SLC16A10: variants seen among roughly 807,000 people sequenced by gnomAD.
The protein encoded by SLC16A10 is monocarboxylate transporter 10.
Under a neutral mutation model 40.0 loss-of-function variants are expected in SLC16A10, and 27 were observed. That is an observed-to-expected ratio of 0.67 (90% CI 0.50 to 0.93). The LOEUF is 0.93. Among genes scored for constraint, SLC16A10 ranks in the 40% least tolerant of loss-of-function variants. SLC16A10 has a pLI of 0.00. For synonymous variants in SLC16A10, 213 were observed against 249.8 expected, an observed-to-expected ratio of 0.85 and a Z score of 1.39; for missense variants, 529 against 658.2, an observed-to-expected ratio of 0.80 and a Z score of 2.15.
At chr6:111,106,588 A>G (rs1425800934) in intron 1 of SLC16A10, among the ~76,000 whole-genome samples, 1 of 152,212 alleles carries the variant, frequency 6.6e-6, no homozygotes, top group Non-Finnish European at 1.5e-5. Flanking sequence ...GTTACTTGAG[A>G]GGATAAATTA....
intron 4 of SLC16A10, among the ~76,000 whole-genome samples, chr6:111,217,406 T>A (rs189566881): frequency 2.9e-4 from 44 of 152,282 alleles, no homozygotes; most frequent in Admixed American, 1.0e-3. Flanking sequence ...CTTTTAAAAA[T>A]TTTTTCTGCT....
At chr6:111,133,916 C>T (rs1277441366) in intron 1 of SLC16A10, among the ~76,000 whole-genome samples, 1 of 152,176 alleles carries the variant, frequency 6.6e-6, no homozygotes, top group Admixed American at 6.5e-5. Context: ...TAAAATAGAC[C>T]TAGGTAAATT....
rs903924752 is a variant in SLC16A10, at chr6:111,213,240, G to A, written c.1087-5574G>A. 5.9e-5 allele frequency among the ~76,000 whole-genome samples: 9 copies of A among 152,206 alleles called. 1 individual carries two copies. Among genetic ancestry groups the A allele is most frequent in the South Asian group, 2.1e-4 (1 of 4,820 alleles). On this transcript the variant is annotated intron_variant, in intron 4 of 5. Coordinates refer to ENST00000368851, the MANE Select transcript of SLC16A10 (RefSeq NM_018593.5). ...ACAACACACACATGTGCACAGGAAC[G>A]CTCTGGAAGGATGCAAACCGAACTG...
chr6:111,207,902 G>T (rs1466424657), intron 4 of SLC16A10, among the ~76,000 whole-genome samples: 2 of 152,132 alleles, frequency 1.3e-5, no homozygotes, highest in Non-Finnish European at 2.9e-5. Context: ...GCTCTATCCT[G>T]CAATCTACTA....
intron 1 of SLC16A10, among the ~76,000 whole-genome samples, chr6:111,134,992 A>G (rs1250191431): frequency 1.3e-5 from 2 of 152,108 alleles, no homozygotes; most frequent in African/African-American, 4.8e-5. Flanking sequence ...ATCTGTCACT[A>G]TCCCAGGACA....
At chr6:111,209,437 C>T (rs1019595140) in intron 4 of SLC16A10, among the ~76,000 whole-genome samples, 2 of 152,186 alleles carry the variant, frequency 1.3e-5, no homozygotes, top group Non-Finnish European at 2.9e-5. Context: ...TGCAGTAGAT[C>T]TAAGTATGAT....
intron 3 of SLC16A10, among the ~76,000 whole-genome samples, chr6:111,188,659 TC>T (rs1172575713): frequency 3.9e-5 from 6 of 152,206 alleles, no homozygotes; most frequent in Non-Finnish European, 7.3e-5. Context: ...CCACTGAGAT[TC>T]ATTTGTGCTG....
intron 4 of SLC16A10, among the ~76,000 whole-genome samples, chr6:111,209,048 T>A (rs535076040): frequency 0.037 from 5,546 of 151,190 alleles, 116 homozygotes; most frequent in South Asian, 0.043. Flanking sequence ...AAAAAAAAAA[T>A]TGTTTTAAGT....
chr6:111,133,708 G>C (rs1771826456), intron 1 of SLC16A10, among the ~76,000 whole-genome samples: 1 of 152,102 alleles, frequency 6.6e-6, no homozygotes, highest in African/African-American at 2.4e-5. Flanking sequence ...TCCCTAACCT[G>C]ATGTCCCCCT....
At chr6:111,205,584 C>T (rs569926044) in intron 3 of SLC16A10, among the ~76,000 whole-genome samples, 36 of 152,318 alleles carry the variant, frequency 2.4e-4, no homozygotes, top group South Asian at 2.1e-4. Context: ...ATTTAATCCT[C>T]GCAACCAATT....
chr6:111,181,416 G>T (rs1300076834), intron 3 of SLC16A10, among the ~76,000 whole-genome samples: 1 of 152,122 alleles, frequency 6.6e-6, no homozygotes, highest in Non-Finnish European at 1.5e-5. Context: ...CATAAAAATG[G>T]GAGTTATTTT....
chr6:111,207,342 T>A (rs1773272126), intron 4 of SLC16A10, among the ~76,000 whole-genome samples: 1 of 152,226 alleles, frequency 6.6e-6, no homozygotes, highest in Non-Finnish European at 1.5e-5. Flanking sequence ...GCCCTTTGCA[T>A]GTCTTATGAA....
chr6:111,106,966 G>T (rs1771295231), intron 1 of SLC16A10, among the ~76,000 whole-genome samples: 1 of 152,198 alleles, frequency 6.6e-6, no homozygotes, highest in Non-Finnish European at 1.5e-5. Flanking sequence ...AATTAGGTAA[G>T]TTAGTGTTAT....
chr6:111,158,688 T>C (rs1338252375), intron 1 of SLC16A10, among the ~76,000 whole-genome samples: 2 of 152,208 alleles, frequency 1.3e-5, no homozygotes, highest in Non-Finnish European at 2.9e-5. Flanking sequence ...TATTTTTTTG[T>C]ATTTACTCGA....
intron 5 of SLC16A10, 103 bp downstream of exon 5, chr6:111,219,145 A>G: frequency 1.9e-6 from 2 of 1,051,416 alleles, no homozygotes; most frequent in Non-Finnish European, 2.8e-6. Context: ...CAGGTTATTG[A>G]TTACTGGTCT....
At chr6:111,106,798 T>G (rs1771292053) in intron 1 of SLC16A10, among the ~76,000 whole-genome samples, 1 of 152,188 alleles carries the variant, frequency 6.6e-6, no homozygotes, top group Admixed American at 6.5e-5. Context: ...TGGAAATGGT[T>G]TATGGAACAA....
chr6:111,183,030 A>G (rs1215409278), intron 3 of SLC16A10, among the ~76,000 whole-genome samples: 1 of 152,200 alleles, frequency 6.6e-6, no homozygotes, highest in African/African-American at 2.4e-5. Context: ...AAGAAGCCAC[A>G]GGCATTCTTT....
chr6:111,149,133 T>G (rs1435738973), intron 1 of SLC16A10, among the ~76,000 whole-genome samples: 1 of 152,204 alleles, frequency 6.6e-6, no homozygotes, highest in Non-Finnish European at 1.5e-5. Flanking sequence ...TTTCAAGCAT[T>G]CTGGCAAGTT....
At chr6:111,088,156 C>G in intron 1 of SLC16A10, 61 bp downstream of exon 1, 1 of 1,521,936 alleles carries the variant, frequency 6.6e-7, no homozygotes, top group Non-Finnish European at 8.9e-7. Context: ...CCGAGCGCAT[C>G]CCGCGTGTGG....
Sources: gnomAD v4.1 joint callset for allele counts (sites outside exome capture counted in the v4.1 genomes callset) on GRCh38, gnomAD v4.1.1 for gene constraint, MANE v1.5 for transcripts, NCBI Gene and HGNC (gene_info 2026-07-23, HGNC 2026-07-21) for gene names.